The following SGSM1 variants were observed in gnomAD, a reference collection of about 807,000 sequenced individuals.
SGSM1 encodes the protein small G protein signaling modulator 1.
In SGSM1, 73 loss-of-function variants were observed where a neutral mutation model predicts 133.8. That is an observed-to-expected ratio of 0.55 (90% CI 0.45 to 0.66). SGSM1 has a LOEUF of 0.66. SGSM1 is among the 30% of genes least tolerant of loss of function. The pLI is 0.00. For missense variants in SGSM1, 1,213 were observed against 1,448.1 expected, an observed-to-expected ratio of 0.84 and a Z score of 2.64; for synonymous variants, 563 against 573.0, an observed-to-expected ratio of 0.98 and a Z score of 0.25.
At chr22:24,914,585 T>C (rs1468310739) in intron 22 of SGSM1, among the ~76,000 whole-genome samples, 2 of 152,188 alleles carry the variant, frequency 1.3e-5, no homozygotes, top group African/African-American at 2.4e-5. Context: ...TGCAGATTCC[T>C]ATGTTCACCA....
Position 24,837,047 on chromosome 22 carries a change from C to T in SGSM1, c.64-7850C>T, listed in dbSNP as rs375711810. On this transcript the variant is annotated intron_variant, in intron 2 of 24. Transcript: ENST00000400358. ...GGGTCGGTGGGTCTCTCCCTGTGTG[C>T]GGCAACAAGAGAGTGTAGAAATAAA... Among the ~76,000 whole-genome samples the T allele has an allele frequency of 3.9e-5, 6 of 152,184 alleles. No individual in the cohort carries two copies. The South Asian group carries it at 8.3e-4, about 21-fold the overall frequency.
intron 23 of SGSM1, 68 bp from the exon 24 acceptor site, chr22:24,919,758 C>T (rs1602000147): frequency 6.3e-7 from 1 of 1,591,614 alleles, no homozygotes; most frequent in Non-Finnish European, 8.6e-7. Flanking sequence ...TGGGGGGCTT[C>T]CCAAGGCAGG....
chr22:24,845,030 G>T (rs1930018046), intron 3 of SGSM1, 58 bp downstream of exon 3: 2 of 1,545,344 alleles, frequency 1.3e-6, no homozygotes, highest in Non-Finnish European at 1.8e-6. Flanking sequence ...CGGGGAAGTG[G>T]TGTCTTGGAG....
chr22:24,895,215 TTTC>T lies in SGSM1; in HGVS notation c.1954-6_1954-4del, dbSNP rs58715295. ...ACCCTCCCTCCCTCCTGCTCTTTCT[TTTC>T]TCAGTCCTCCCAGAGCTGCAGTTCG... On this transcript the variant is annotated splice_region_variant and splice_polypyrimidine_tract_variant and intron_variant, in intron 17 of 24. Coordinates refer to ENST00000400358, the MANE Select transcript of SGSM1 (RefSeq NM_001098497.3). The T allele has an allele frequency of 0.14, 228,616 of 1,605,446 alleles. 18,430 individuals carry two copies. The highest frequency in any genetic ancestry group is 0.34 in the East Asian group (14,993 of 44,330).
intron 18 of SGSM1, among the ~76,000 whole-genome samples, 152 bp from the exon 19 acceptor site, chr22:24,897,820 T>G (rs1259952374): frequency 2.0e-5 from 3 of 152,236 alleles, no homozygotes; most frequent in Admixed American, 2.0e-4. Flanking sequence ...CACCTTGTTT[T>G]GCCTCGTTCT....
intron 14 of SGSM1, 44 bp from the exon 15 acceptor site, chr22:24,884,009 C>A: frequency 6.5e-7 from 1 of 1,544,824 alleles, no homozygotes; most frequent in Non-Finnish European, 8.8e-7. Context: ...AGGTGAGGGG[C>A]TTCAGGTGGT....
At chr22:24,821,993 A>G (rs1287733975) in intron 2 of SGSM1, among the ~76,000 whole-genome samples, 1 of 151,808 alleles carries the variant, frequency 6.6e-6, no homozygotes, top group Non-Finnish European at 1.5e-5. Flanking sequence ...AGGCTTAGAC[A>G]AATGTCTGAG....
At chr22:24,920,072 AT>A in intron 24 of SGSM1, 79 bp downstream of exon 24, 2 of 1,409,286 alleles carry the variant, frequency 1.4e-6, no homozygotes, top group Non-Finnish European at 9.6e-7. Flanking sequence ...AGGAATGAAG[AT>A]GGGCTGAGAT....
intron 5 of SGSM1, among the ~76,000 whole-genome samples, chr22:24,851,154 G>GT (rs1930444730): frequency 6.6e-6 from 1 of 151,174 alleles, no homozygotes; most frequent in African/African-American, 2.4e-5. Context: ...CCTTTTTAAC[G>GT]TTTTCTCCAC....
intron 2 of SGSM1, among the ~76,000 whole-genome samples, chr22:24,840,169 C>T (rs1306502351): frequency 6.6e-6 from 1 of 152,076 alleles, no homozygotes; most frequent in Non-Finnish European, 1.5e-5. Context: ...TGGTCTCGAT[C>T]TCCTGACCTC....
intron 21 of SGSM1, among the ~76,000 whole-genome samples, chr22:24,907,674 C>T (rs1933443070): frequency 6.6e-6 from 1 of 151,860 alleles, no homozygotes; most frequent in South Asian, 2.1e-4. Flanking sequence ...CCTGTAATCC[C>T]AGCACTTTGG....
At chr22:24,844,043 T>A (rs964566899) in intron 2 of SGSM1, 8 of 152,186 alleles carry the variant, frequency 5.3e-5, no homozygotes, top group Non-Finnish European at 1.2e-4. Context: ...GATTCCTTTA[T>A]ATATCTTATT....
rs572571575 is a variant in SGSM1, at chr22:24,895,418, A to G, written c.2022+127A>G. The G allele has an allele frequency of 2.1e-5, 20 of 959,772 alleles. No homozygotes were observed. The African/African-American group carries it at 3.0e-4, about 14-fold the overall frequency. The allele number at this position is 959,772 out of a possible 1,614,324, so 59.5% of individuals were successfully genotyped here. On this transcript the variant is annotated intron_variant, in intron 18 of 24. Transcript: ENST00000400358. ...ATTTGTTTTAGCTTTTTATATTAGC[A>G]TTAAACATTGTTTTTTGTTTTTTGT... is the stretch of plus-strand genomic sequence containing the variant.
At chr22:24,912,333 G>A (rs1933657860) in intron 21 of SGSM1, among the ~76,000 whole-genome samples, 1 of 152,206 alleles carries the variant, frequency 6.6e-6, no homozygotes, top group Admixed American at 6.5e-5. Context: ...GGGTGCATGA[G>A]AAGTCTTTCC....
At position 24,859,985 on chromosome 22, in the gene SGSM1, G is replaced by A. The variant is rs1046924089; in HGVS notation, c.926+145G>A. Reference sequence around the variant, plus strand: ...CTGGTTGTTAGGACCACTTGGCTCAGCCTCCCCGCAGCTGTGGCCTCCCAG... The same window carrying A: ...CTGGTTGTTAGGACCACTTGGCTCAACCTCCCCGCAGCTGTGGCCTCCCAG... On this transcript the variant is annotated intron_variant, in intron 9 of 24. Coordinates refer to ENST00000400358, the MANE Select transcript of SGSM1 (RefSeq NM_001098497.3). The A allele has an allele frequency of 4.3e-6, 5 of 1,173,842 alleles. 1 individual carries two copies. Among genetic ancestry groups the A allele is most frequent in the Non-Finnish European group, 6.0e-6 (5 of 835,646 alleles). The allele number at this position is 1,173,842 out of a possible 1,614,324, so 72.7% of individuals were successfully genotyped here.
intron 2 of SGSM1, among the ~76,000 whole-genome samples, chr22:24,835,733 C>CTG (rs1929390197): frequency 6.6e-6 from 1 of 151,742 alleles, no homozygotes; most frequent in African/African-American, 2.4e-5. Context: ...GCAAGGAGGC[C>CTG]TGTGTGTGTA....
intron 21 of SGSM1, among the ~76,000 whole-genome samples, chr22:24,905,559 G>A (rs376086900): frequency 4.1e-4 from 62 of 152,154 alleles, no homozygotes; most frequent in East Asian, 2.7e-3. Flanking sequence ...AGGCTGAGGC[G>A]GGCGGATCAC....
intron 21 of SGSM1, among the ~76,000 whole-genome samples, chr22:24,912,156 T>C (rs1569176971): frequency 6.6e-6 from 1 of 151,570 alleles, no homozygotes; most frequent in Non-Finnish European, 1.5e-5. Context: ...ACATAACCAA[T>C]TGATGTAATG....
intron 2 of SGSM1, among the ~76,000 whole-genome samples, chr22:24,820,500 G>A (rs1355504654): frequency 6.6e-6 from 1 of 152,200 alleles, no homozygotes. Context: ...GGCAGGTTAT[G>A]CGGGGAGGAA....
Sources: gnomAD v4.1 joint callset for allele counts (sites outside exome capture counted in the v4.1 genomes callset) on GRCh38, gnomAD v4.1.1 for gene constraint, MANE v1.5 for transcripts, NCBI Gene and HGNC (gene_info 2026-07-23, HGNC 2026-07-21) for gene names.